The following TNRC6A variants were observed in gnomAD, a reference collection of about 807,000 sequenced individuals.
TNRC6A encodes trinucleotide repeat-containing gene 6A protein.
Under a neutral mutation model 221.2 loss-of-function variants are expected in TNRC6A, and 44 were observed. That is an observed-to-expected ratio of 0.20 (90% confidence interval 0.16 to 0.26). The LOEUF (loss-of-function observed/expected upper bound fraction) is 0.26. TNRC6A is among the 10% of genes least tolerant of loss of function. TNRC6A has a pLI of 1.00. For synonymous variants in TNRC6A, 847 were observed against 838.5 expected, an observed-to-expected ratio of 1.01 and a Z score of -0.18; for missense variants, 2,199 against 2,404.4, an observed-to-expected ratio of 0.91 and a Z score of 1.79.
At chr16:24,799,016 G>T (rs1272751818) in intron 11 of TNRC6A, among the ~76,000 whole-genome samples, 1 of 152,150 alleles carries the variant, frequency 6.6e-6, no homozygotes, top group Non-Finnish European at 1.5e-5. Context: ...GGGCACAGGA[G>T]AGGTGTCTCA....
intron 2 of TNRC6A, among the ~76,000 whole-genome samples, chr16:24,674,988 T>G (rs1214713240): frequency 2.0e-5 from 3 of 151,870 alleles, no homozygotes; most frequent in Non-Finnish European, 4.4e-5. Context: ...AAAACAAAAA[T>G]TTTTTTAATT....
intron 4 of TNRC6A, chr16:24,776,507 C>A: frequency 1.0e-6 from 1 of 985,440 alleles, no homozygotes; most frequent in South Asian, 4.7e-5. Context: ...AGAGACCAAA[C>A]ACATTAACAA....
rs760467705 is a variant in TNRC6A at position 24,815,260 on chromosome 16, C to T, written c.4786C>T (p.Arg1596Cys). The change falls in exon 19 of 25, where the codon CGT (arginine) becomes TGT (cysteine). Residue 1596 changes from arginine (R) to cysteine (C), a missense_variant. This residue lies in a region of TNRC6A where 449 missense variants were observed against 579.7 expected (regional missense o/e 0.77). Transcript: ENST00000395799. ...AGGTTCAATAGGAGATGGCTGGCCA[C>T]GTGCCAAATCGCCTAACGGCTCTAG... ...PPGSIGDGWP[R>C]AKSPNGSSSV... 6.8e-6 allele frequency: 11 copies of T among 1,614,112 alleles called. No individual in the cohort carries two copies. The highest frequency in any genetic ancestry group is 2.7e-5 in the African/African-American group (2 of 74,946).
rs2057377242 is a variant in TNRC6A, at chr16:24,762,142, G to A, written c.163+3782G>A. ...ATTTTATTTTTTGGGTGATAAAATA[G>A]CGAAGTTTAGTTTATTACTGCCGCT... On this transcript the variant is annotated intron_variant, in intron 4 of 24. Transcript: ENST00000395799. 2.0e-5 allele frequency among the ~76,000 whole-genome samples: 3 copies of A among 152,314 alleles called. No individual in the cohort carries two copies. The South Asian group carries it at 6.2e-4, about 32-fold the overall frequency.
intron 4 of TNRC6A, among the ~76,000 whole-genome samples, chr16:24,760,538 C>T (rs2057341205): frequency 6.6e-6 from 1 of 152,108 alleles, no homozygotes; most frequent in African/African-American, 2.4e-5. Flanking sequence ...TCATGTCATC[C>T]TTCTTTTCAC....
chr16:24,804,910 C>A, intron 13 of TNRC6A, 59 bp downstream of exon 13: 2 of 1,613,282 alleles, frequency 1.2e-6, no homozygotes, highest in South Asian at 2.2e-5. Context: ...GTAATAAGAT[C>A]TCTCTTACAT....
chr16:24,679,475 G>GT (rs768696536), intron 2 of TNRC6A, among the ~76,000 whole-genome samples: 35 of 150,454 alleles, frequency 2.3e-4, no homozygotes, highest in South Asian at 4.2e-4. Flanking sequence ...GACTAATTTT[G>GT]TTTTTTTTGT....
chr16:24,817,820 A>G (rs533152473), intron 20 of TNRC6A, among the ~76,000 whole-genome samples: 1 of 152,330 alleles, frequency 6.6e-6, no homozygotes, highest in East Asian at 1.9e-4. Flanking sequence ...TGGGTTTCAC[A>G]GACAGCTCTG....
intron 2 of TNRC6A, among the ~76,000 whole-genome samples, chr16:24,741,429 A>T (rs934703867): frequency 2.0e-5 from 3 of 152,088 alleles, no homozygotes; most frequent in African/African-American, 7.2e-5. Context: ...AACATGGTGT[A>T]TTTCGTTGAT....
chr16:24,610,653 C>T (rs1403079459), intron 1 of TNRC6A, among the ~76,000 whole-genome samples: 2 of 152,162 alleles, frequency 1.3e-5, no homozygotes, highest in Non-Finnish European at 2.9e-5. Flanking sequence ...TAAGGAGCAG[C>T]GCTGCGCTGG....
At chr16:24,666,797 A>C (rs2055181363) in intron 2 of TNRC6A, among the ~76,000 whole-genome samples, 1 of 150,664 alleles carries the variant, frequency 6.6e-6, no homozygotes, top group Non-Finnish European at 1.5e-5. Flanking sequence ...AACCGAAGGC[A>C]CTCCAAAACT....
intron 10 of TNRC6A, 60 bp from the exon 11 acceptor site, chr16:24,797,855 T>C: frequency 1.4e-6 from 2 of 1,463,292 alleles, no homozygotes; most frequent in Non-Finnish European, 1.9e-6. Flanking sequence ...ATTCTTCATT[T>C]TTTATTTGTT....
intron 2 of TNRC6A, among the ~76,000 whole-genome samples, chr16:24,698,899 G>T (rs138009540): frequency 6.6e-6 from 1 of 151,986 alleles, no homozygotes; most frequent in African/African-American, 2.4e-5. Flanking sequence ...TAGTAGAGAC[G>T]GGGTTTCACT....
At position 24,820,278 on chromosome 16, in the gene TNRC6A, G is replaced by A. The variant is rs1194024691; in HGVS notation, c.5220G>A (p.Gln1740=). Residue 1740 remains glutamine (Q), a synonymous_variant, in exon 22 of 25, where the codon CAG becomes CAA. Coordinates refer to ENST00000395799, the MANE Select transcript of TNRC6A (RefSeq NM_014494.4). ...PSRPPPGLTG[Q]KPPLSTWDNS... Reference sequence around the variant, plus strand: ...GCCCACCTCCGGGACTGACTGGTCAGAAGCCACCCTTGTCTACGTGGGATA... The same window carrying A: ...GCCCACCTCCGGGACTGACTGGTCAAAAGCCACCCTTGTCTACGTGGGATA... 1.9e-6 allele frequency: 3 copies of A among 1,614,030 alleles called. No individual in the cohort carries two copies. Among genetic ancestry groups the A allele is most frequent in the Non-Finnish European group, 2.5e-6 (3 of 1,180,038 alleles).
At chr16:24,654,040 A>T (rs1039779615) in intron 2 of TNRC6A, among the ~76,000 whole-genome samples, 1 of 152,134 alleles carries the variant, frequency 6.6e-6, no homozygotes, top group African/African-American at 2.4e-5. Context: ...AAGTAGCTGG[A>T]ACCACAGGCA....
chr16:24,791,546 A>G lies in TNRC6A; in HGVS notation c.2904A>G (p.Thr968=), dbSNP rs938587878. Residue 968 remains threonine (T), a synonymous_variant, in exon 6 of 25, where the codon ACA becomes ACG. Coordinates refer to ENST00000395799, the MANE Select transcript of TNRC6A (RefSeq NM_014494.4). ...CAGCTACAGGCAAACCTCCTGGTAC[A>G]GGCTGGCTGGGGGGACCTATACCAG... The part of the protein sequence containing the change: ...IPPATGKPPG[T]GWLGGPIPAP... The G allele has an allele frequency of 9.1e-6, 14 of 1,546,040 alleles. No individual in the cohort carries two copies. The highest frequency in any genetic ancestry group is 9.6e-6 in the Non-Finnish European group (11 of 1,151,238).
chr16:24,665,078 A>G (rs1181762403), intron 2 of TNRC6A: 1 of 434,196 alleles, frequency 2.3e-6, no homozygotes, highest in Non-Finnish European at 4.7e-6. Flanking sequence ...TTGTTTATTT[A>G]TGTTAGAGAC....
intron 1 of TNRC6A, among the ~76,000 whole-genome samples, chr16:24,626,639 G>C (rs1229956392): frequency 6.7e-6 from 1 of 148,168 alleles, no homozygotes; most frequent in East Asian, 2.0e-4. Context: ...AGTTTTTTTA[G>C]ATACTATTTC....
intron 5 of TNRC6A, among the ~76,000 whole-genome samples, chr16:24,781,663 T>G (rs1474250909): frequency 6.6e-6 from 1 of 152,112 alleles, no homozygotes; most frequent in Non-Finnish European, 1.5e-5. Context: ...TTGAACTCTT[T>G]GTGTTGCCCC....
Sources: gnomAD v4.1 joint callset for allele counts (sites outside exome capture counted in the v4.1 genomes callset) on GRCh38, gnomAD v4.1.1 for gene constraint, gnomAD v4.1.1 regional missense constraint, MANE v1.5 for transcripts, NCBI Gene and HGNC (gene_info 2026-07-23, HGNC 2026-07-21) for gene names.